The following SERPINE2 variants were observed in gnomAD, a reference collection of about 807,000 sequenced individuals.
SERPINE2 encodes the protein glia-derived nexin.
In SERPINE2, 14 loss-of-function variants were observed where a neutral mutation model predicts 36.3. The ratio of observed to expected loss-of-function variants is 0.39; its 90% CI spans 0.25 to 0.60. The LOEUF (loss-of-function observed/expected upper bound fraction) is 0.60. Ranked by LOEUF, SERPINE2 falls within the 20% of genes least tolerant of loss-of-function variation. The pLI is 0.57. For synonymous variants in SERPINE2, 192 were observed against 191.8 expected (o/e 1.00, Z -0.01); for missense variants, 418 against 499.6 (o/e 0.84, Z 1.56).
At chr2:224,017,397 T>C (rs1338066909) in intron 1 of SERPINE2, among the ~76,000 whole-genome samples, 3 of 152,208 alleles carry the variant, frequency 2.0e-5, no homozygotes, top group Admixed American at 1.3e-4. Flanking sequence ...TATTTCTTAC[T>C]TTTTCCCTGT....
rs1310760240 is a variant in SERPINE2 at position 224,005,069 on chromosome 2, A to ATATT, written c.-22-3148_-22-3147insAATA. Among the ~76,000 whole-genome samples the ATATT allele has an allele frequency of 1.7e-3, 51 of 30,274 alleles. 1 individual carries two copies. The highest frequency in any genetic ancestry group is 0.015 in the South Asian group (10 of 676). 19.9% of individuals were successfully genotyped at this position (30,274 alleles called of 152,430 possible). A position where few individuals can be genotyped will look rare whatever the true frequency, so the allele number is the denominator to read the frequency against. The stretch of plus-strand genomic sequence containing the variant: ...ATTTTATATATTTTATATATATTAT[A>ATATT]TATATATATATATATATATATATAT... On this transcript the variant is annotated intron_variant, in intron 1 of 8. Transcript: ENST00000409304.
intron 1 of SERPINE2, among the ~76,000 whole-genome samples, chr2:224,034,054 C>CA (rs1692462103): frequency 6.6e-6 from 1 of 152,148 alleles, no homozygotes; most frequent in South Asian, 2.1e-4. Context: ...AGTAAACTTA[C>CA]AAAAAATATG....
At chr2:223,999,446 T>C (rs554896932) in intron 2 of SERPINE2, among the ~76,000 whole-genome samples, 12 of 152,284 alleles carry the variant, frequency 7.9e-5, no homozygotes, top group African/African-American at 2.9e-4. Flanking sequence ...GATTTGTCAC[T>C]CTGAATGTGC....
intron 1 of SERPINE2, among the ~76,000 whole-genome samples, chr2:224,006,912 C>T (rs1691446560): frequency 6.6e-6 from 1 of 152,202 alleles, no homozygotes; most frequent in Non-Finnish European, 1.5e-5. Flanking sequence ...GCGTGCCTCG[C>T]TCCCGCTGCT....
intron 1 of SERPINE2, among the ~76,000 whole-genome samples, chr2:224,002,455 C>G (rs1691218369): frequency 6.6e-6 from 1 of 151,808 alleles, no homozygotes; most frequent in Non-Finnish European, 1.5e-5. Context: ...TGTGCCAGGT[C>G]CTATACTAAT....
At position 223,998,248 on chromosome 2, in the gene SERPINE2, A is replaced by C. The variant is rs1690971666; in HGVS notation, c.354T>G (p.Asn118Lys). 1.2e-6 allele frequency: 2 copies of C among 1,614,094 alleles called. No homozygotes were observed. Among genetic ancestry groups the C allele is most frequent in the African/African-American group, 2.7e-5 (2 of 74,948 alleles). ...VTVANAVFVKNASEIEVPFVT... is the reference protein window; with the variant it reads ...VTVANAVFVKKASEIEVPFVT... Reference sequence around the variant, plus strand: ...CAAAAGGCACTTCAATTTCAGAGGCATTCTTAACAAACACGGCGTTAGCCA... The same window carrying C: ...CAAAAGGCACTTCAATTTCAGAGGCCTTCTTAACAAACACGGCGTTAGCCA... Residue 118 changes from asparagine (N) to lysine (K), a missense_variant, in exon 3 of 9, where the codon AAT becomes AAG. By Grantham distance (94) the Asn-to-Lys change is moderately conservative (BLOSUM62 0). Coordinates refer to ENST00000409304, the MANE Select transcript of SERPINE2 (RefSeq NM_001136528.2).
chr2:224,031,543 A>G, intron 1 of SERPINE2: 1 of 980,616 alleles, frequency 1.0e-6, no homozygotes, highest in African/African-American at 1.7e-5. Context: ...CCATTGGTAC[A>G]CGGAAGGGCA....
At chr2:223,991,054 A>T (rs1293145275) in intron 4 of SERPINE2, among the ~76,000 whole-genome samples, 1 of 152,160 alleles carries the variant, frequency 6.6e-6, no homozygotes, top group Non-Finnish European at 1.5e-5. Flanking sequence ...ATCCTCTGAG[A>T]CCTATCTCTA....
chr2:224,024,088 A>G (rs1158080941), intron 1 of SERPINE2, among the ~76,000 whole-genome samples: 1 of 152,226 alleles, frequency 6.6e-6, no homozygotes, highest in Non-Finnish European at 1.5e-5. Context: ...ATAAAAATAT[A>G]TGTATCTGTA....
chr2:224,025,656 A>T (rs1313754730), intron 1 of SERPINE2, among the ~76,000 whole-genome samples: 2 of 152,166 alleles, frequency 1.3e-5, no homozygotes, highest in African/African-American at 4.8e-5. Context: ...CCTGTCCTCA[A>T]TTTGTGAGTT....
intron 1 of SERPINE2, among the ~76,000 whole-genome samples, chr2:224,025,833 C>T (rs544514940): frequency 7.4e-5 from 11 of 148,890 alleles, no homozygotes; most frequent in African/African-American, 2.7e-4. Flanking sequence ...AATATATTGA[C>T]GATCCACACA....
intron 1 of SERPINE2, among the ~76,000 whole-genome samples, chr2:224,012,317 T>C (rs1173261053): frequency 6.6e-6 from 1 of 152,136 alleles, no homozygotes; most frequent in South Asian, 2.1e-4. Flanking sequence ...ATGACATCCA[T>C]CCAACACAAT....
At chr2:224,014,800 C>CTTAATTT (rs1691743413) in intron 1 of SERPINE2, among the ~76,000 whole-genome samples, 2 of 152,192 alleles carry the variant, frequency 1.3e-5, no homozygotes, top group Admixed American at 1.3e-4. Context: ...TGGTTTATCC[C>CTTAATTT]TTAATTTATC....
chr2:223,979,098 A>G (rs1020849376), intron 7 of SERPINE2: 2 of 152,074 alleles, frequency 1.3e-5, no homozygotes, highest in African/African-American at 4.8e-5. Flanking sequence ...TGTTTAAACC[A>G]CTCAGTCAAC....
intron 1 of SERPINE2, among the ~76,000 whole-genome samples, chr2:224,029,096 T>C (rs915699172): frequency 1.3e-5 from 2 of 152,252 alleles, no homozygotes; most frequent in Admixed American, 1.3e-4. Flanking sequence ...AGATTTATTA[T>C]GAATACTGTG....
At chr2:223,997,253 T>C (rs142784829) in intron 3 of SERPINE2, among the ~76,000 whole-genome samples, 302 of 152,254 alleles carry the variant, frequency 2.0e-3, no homozygotes, top group African/African-American at 6.6e-3. Flanking sequence ...CACAGTCTCA[T>C]TCTGTTGCCC....
Position 223,982,723 on chromosome 2 carries a change from C to G in SERPINE2, c.943G>C (p.Asp315His). Residue 315 changes from aspartate (D) to histidine (H), a missense_variant, in exon 6 of 9, where the codon GAC becomes CAC. By Grantham distance (81) the Asp-to-His change is moderately conservative. Coordinates refer to ENST00000409304, the MANE Select transcript of SERPINE2 (RefSeq NM_001136528.2). ...KEPLKVLGIT[D>H]MFDSSKANFA... ...TTTGCCTTTGATGAATCAAACATGT[C>G]AGTAATGCCAAGAACTTTCAGCGGC... 6.2e-7 allele frequency: 1 copy of G among 1,613,686 alleles called. No individual in the cohort carries two copies. The highest frequency in any genetic ancestry group is 8.5e-7 in the Non-Finnish European group (1 of 1,179,850).
intron 1 of SERPINE2, among the ~76,000 whole-genome samples, chr2:224,026,533 T>C (rs184226266): frequency 1.8e-4 from 28 of 152,316 alleles, no homozygotes; most frequent in Admixed American, 1.6e-3. Context: ...ATGGATCTCA[T>C]CTATCTAGTT....
chr2:223,979,396 T>C (rs982148637), intron 7 of SERPINE2: 2 of 152,232 alleles, frequency 1.3e-5, no homozygotes, highest in African/African-American at 4.8e-5. Context: ...AGGGTCTTTG[T>C]TTTAAATGCT....
Sources: gnomAD v4.1 joint callset for allele counts (sites outside exome capture counted in the v4.1 genomes callset) on GRCh38, gnomAD v4.1.1 for gene constraint, MANE v1.5 for transcripts, NCBI Gene and HGNC (gene_info 2026-07-23, HGNC 2026-07-21) for gene names.